DNAH9: variants seen among roughly 807,000 people sequenced by gnomAD.
DNAH9 encodes dynein axonemal heavy chain 9.
A neutral mutation model predicts 471.6 loss-of-function variants in DNAH9; 345 were observed. The observed-to-expected ratio is 0.73, with a 90% CI of 0.67 to 0.80. The LOEUF is 0.80. Among genes scored for constraint, DNAH9 ranks in the 30% least tolerant of loss-of-function variants. The pLI, the probability that DNAH9 is intolerant of heterozygous loss-of-function variation, is 0.00. For missense variants in DNAH9, 5,407 were observed against 5,609.2 expected, an observed-to-expected ratio of 0.96 and a Z score of 1.15; for synonymous variants, 2,093 against 2,123.6, an observed-to-expected ratio of 0.99 and a Z score of 0.40.
rs1022508645 is a variant in DNAH9 at position 11,883,490 on chromosome 17, CT to C, written c.10807-93del. 3.4e-6 allele frequency: 5 copies of C among 1,461,324 alleles called. No homozygotes were observed. In the African/African-American group the frequency reaches 7.0e-5, roughly 21 times the overall value. The allele number at this position is 1,461,324 out of a possible 1,614,324, so 90.5% of individuals were successfully genotyped here. On this transcript the variant is annotated intron_variant, in intron 55 of 68. Transcript: ENST00000262442. ...TGCCATTCTGCCTCCACTTTACTAT[CT>C]TTAAGGCAAGGGACTCTCGCCCTAT...
intron 33 of DNAH9, among the ~76,000 whole-genome samples, chr17:11,753,695 G>A (rs1476823910): frequency 6.6e-6 from 1 of 152,146 alleles, no homozygotes; most frequent in Admixed American, 6.5e-5. Flanking sequence ...TGTTAAGCTG[G>A]TAGCTGTTTG....
intron 50 of DNAH9, among the ~76,000 whole-genome samples, chr17:11,860,933 A>C (rs1473646939): frequency 6.6e-6 from 1 of 151,694 alleles, no homozygotes; most frequent in Non-Finnish European, 1.5e-5. Flanking sequence ...TCCTTTGTGT[A>C]TGCACAGTTT....
intron 14 of DNAH9, among the ~76,000 whole-genome samples, chr17:11,659,085 T>C (rs1490634573): frequency 6.6e-6 from 1 of 152,136 alleles, no homozygotes; most frequent in East Asian, 1.9e-4. Context: ...AAATATGTGA[T>C]AGAATTCACC....
chr17:11,907,925 A>T (rs964774877), intron 61 of DNAH9, among the ~76,000 whole-genome samples: 2 of 152,148 alleles, frequency 1.3e-5, no homozygotes, highest in African/African-American at 4.8e-5. Context: ...CCATTTTTGT[A>T]TTAGCAGTTT....
At chr17:11,874,083 A>G (rs1049653232) in intron 52 of DNAH9, among the ~76,000 whole-genome samples, 1 of 151,972 alleles carries the variant, frequency 6.6e-6, no homozygotes, top group Non-Finnish European at 1.5e-5. Flanking sequence ...CGTCTCTACT[A>G]AAAACACAAA....
At chr17:11,638,538 C>T (rs770699646) in intron 9 of DNAH9, among the ~76,000 whole-genome samples, 23 of 152,144 alleles carry the variant, frequency 1.5e-4, no homozygotes, top group South Asian at 6.2e-4. Context: ...GTGCCTGCCA[C>T]GAGGCCCGGC....
chr17:11,633,343 A>G (rs1169385595), intron 8 of DNAH9, among the ~76,000 whole-genome samples: 1 of 152,210 alleles, frequency 6.6e-6, no homozygotes. Flanking sequence ...AAGAAGTCAC[A>G]TTGTGGTTCA....
At chr17:11,846,465 AG>A (rs1412064389) in intron 49 of DNAH9, among the ~76,000 whole-genome samples, 3 of 151,368 alleles carry the variant, frequency 2.0e-5, no homozygotes, top group Non-Finnish European at 3.0e-5. Flanking sequence ...CTTTTGGCTT[AG>A]GATTGACTTG....
intron 14 of DNAH9, among the ~76,000 whole-genome samples, chr17:11,661,537 G>A (rs1016632029): frequency 9.9e-5 from 15 of 152,062 alleles, no homozygotes; most frequent in South Asian, 2.1e-4. Flanking sequence ...TTGGGTAACT[G>A]TATATTTTTT....
chr17:11,933,660 G>A (rs1000390874), intron 64 of DNAH9, among the ~76,000 whole-genome samples: 8 of 152,094 alleles, frequency 5.3e-5, no homozygotes, highest in African/African-American at 9.7e-5. Context: ...AATTACAGGC[G>A]TGAGCCACCG....
chr17:11,636,980 T>A lies in DNAH9; in HGVS notation c.1786+196T>A, dbSNP rs190478356. Among the ~76,000 whole-genome samples the A allele has an allele frequency of 2.6e-5, 4 of 152,326 alleles. No individual in the cohort carries two copies. In the East Asian group the frequency reaches 7.7e-4, roughly 29 times the overall value. On this transcript the variant is annotated intron_variant, in intron 9 of 68. Transcript: ENST00000262442. ...TCTGAACTACGGCTTTCCCTGTTTC[T>A]GGGGCTGAGATTGGCAGGCTGACCC...
chr17:11,651,872 C>T (rs2073513761), intron 13 of DNAH9, among the ~76,000 whole-genome samples: 1 of 151,882 alleles, frequency 6.6e-6, no homozygotes, highest in Non-Finnish European at 1.5e-5. Context: ...CATATGATGA[C>T]TTTCATGAAA....
At position 11,598,579 on chromosome 17, in the gene DNAH9, C is replaced by G. The variant is rs763610626; in HGVS notation, c.81C>G (p.Leu27=). 3 of 1,393,940 alleles carry G rather than the reference C, an allele frequency of 2.2e-6. No individual in the cohort carries two copies. The highest frequency in any genetic ancestry group is 2.8e-6 in the Non-Finnish European group (3 of 1,081,666). 86.3% of individuals were successfully genotyped at this position (1,393,940 alleles called of 1,614,324 possible). A position where few individuals can be genotyped will look rare whatever the true frequency, so the allele number is the denominator to read the frequency against. Residue 27 remains leucine (L), a synonymous_variant, in exon 1 of 69, where the codon CTC becomes CTG. Transcript: ENST00000262442. The stretch of plus-strand genomic sequence containing the variant: ...CCGGCGCCGACCGACGACTGCGACT[C>G]CTGGGGACCTACGTGGCCATGAGCC... ...GEPGADRRLR[L]LGTYVAMSLR...
At position 11,943,342 on chromosome 17, in the gene DNAH9, G is replaced by A. The variant is rs1472291780; in HGVS notation, c.12843+857G>A. On this transcript the variant is annotated intron_variant, in intron 67 of 68. Transcript: ENST00000262442. The stretch of plus-strand genomic sequence containing the variant: ...ACGTGGATAGGAAAAACACATATGA[G>A]TTTTTTCACATGGAGTCACATAGAT... Among the ~76,000 whole-genome samples, 4 of 152,024 alleles carry A rather than the reference G, an allele frequency of 2.6e-5. No homozygotes were observed. The South Asian group carries it at 6.2e-4, about 24-fold the overall frequency.
intron 67 of DNAH9, among the ~76,000 whole-genome samples, chr17:11,945,930 G>A (rs1312836526): frequency 6.6e-6 from 1 of 152,052 alleles, no homozygotes; most frequent in African/African-American, 2.4e-5. Context: ...GGGCGTAGTG[G>A]TGGGCACCTG....
At chr17:11,812,904 A>T (rs1452790287) in intron 45 of DNAH9, among the ~76,000 whole-genome samples, 1 of 152,156 alleles carries the variant, frequency 6.6e-6, no homozygotes, top group Non-Finnish European at 1.5e-5. Flanking sequence ...CTCCTACCCC[A>T]AAGCTACCCT....
chr17:11,920,620 CAAA>C (rs778741343), intron 61 of DNAH9, among the ~76,000 whole-genome samples: 1 of 61,952 alleles, frequency 1.6e-5, no homozygotes, highest in Non-Finnish European at 3.3e-5. Flanking sequence ...GACTCCATCT[CAAA>C]AAAAAAAAAA....
In DNAH9 at chr17:11,765,597, A is replaced by G. The variant is rs549657188; in HGVS notation, c.7170+1983A>G. ...CCTTTCTCTACTGCCCTCCCCAGAG[A>G]CAGATGCCCTGGAGGCAGAAAGGGA... On this transcript the variant is annotated intron_variant, in intron 36 of 68. Transcript: ENST00000262442. 2.6e-5 allele frequency among the ~76,000 whole-genome samples: 4 copies of G among 152,244 alleles called. No homozygotes were observed. The South Asian group carries it at 6.2e-4, about 24-fold the overall frequency.
intron 17 of DNAH9, among the ~76,000 whole-genome samples, chr17:11,679,283 T>A (rs2074095250): frequency 6.6e-6 from 1 of 152,234 alleles, no homozygotes; most frequent in Non-Finnish European, 1.5e-5. Context: ...CATTTATGCA[T>A]TGCCAGCAAA....
Sources: gnomAD v4.1 joint callset for allele counts (sites outside exome capture counted in the v4.1 genomes callset) on GRCh38, gnomAD v4.1.1 for gene constraint, MANE v1.5 for transcripts, NCBI Gene and HGNC (gene_info 2026-07-23, HGNC 2026-07-21) for gene names.